The following GALNTL6 variants were observed in gnomAD, a reference collection of about 807,000 sequenced individuals.
GALNTL6 encodes polypeptide N-acetylgalactosaminyltransferase like 6.
GALNTL6 carries 46 observed loss-of-function variants against 73.7 expected under a neutral mutation model. The ratio of observed to expected loss-of-function variants is 0.62; its 90% CI spans 0.49 to 0.80. GALNTL6 has a LOEUF of 0.80. Ranked by LOEUF, GALNTL6 falls within the 30% of genes least tolerant of loss-of-function variation. GALNTL6 has a pLI of 0.00. For missense variants in GALNTL6, 604 were observed against 755.0 expected, an observed-to-expected ratio of 0.80 and a Z score of 2.34; for synonymous variants, 259 against 263.7, an observed-to-expected ratio of 0.98 and a Z score of 0.17.
intron 2 of GALNTL6, among the ~76,000 whole-genome samples, chr4:171,943,599 G>A (rs1738615794): frequency 6.6e-6 from 1 of 151,992 alleles, no homozygotes; most frequent in East Asian, 1.9e-4. Flanking sequence ...CTTTTCTCAA[G>A]GCAATGTTAT....
At chr4:172,117,461 C>G (rs1733018915) in intron 2 of GALNTL6, among the ~76,000 whole-genome samples, 1 of 152,158 alleles carries the variant, frequency 6.6e-6, no homozygotes, top group Non-Finnish European at 1.5e-5. Flanking sequence ...AACTCTTCCC[C>G]TATTAGATAG....
intron 5 of GALNTL6, among the ~76,000 whole-genome samples, chr4:172,775,127 T>C (rs1046923481): frequency 2.6e-5 from 4 of 151,998 alleles, no homozygotes; most frequent in Non-Finnish European, 4.4e-5. Flanking sequence ...GAAAAGCATG[T>C]TTTTCTTGAG....
At chr4:172,183,364 T>G (rs1735314831) in intron 2 of GALNTL6, among the ~76,000 whole-genome samples, 1 of 152,166 alleles carries the variant, frequency 6.6e-6, no homozygotes, top group Non-Finnish European at 1.5e-5. Flanking sequence ...AGAAAGAAGC[T>G]TAGAGGAAAG....
chr4:172,361,600 C>G (rs1742372937), intron 5 of GALNTL6, among the ~76,000 whole-genome samples: 1 of 152,128 alleles, frequency 6.6e-6, no homozygotes, highest in African/African-American at 2.4e-5. Flanking sequence ...CAAGGCAGTG[C>G]ATGATGAATA....
At chr4:171,835,069 CTGAT>C (rs1735066133) in intron 2 of GALNTL6, among the ~76,000 whole-genome samples, 1 of 151,934 alleles carries the variant, frequency 6.6e-6, no homozygotes, top group South Asian at 2.1e-4. Context: ...CCATCTCTCT[CTGAT>C]TGAATTTTGA....
chr4:172,302,501 A>G (rs981320970), intron 3 of GALNTL6, among the ~76,000 whole-genome samples: 2 of 152,152 alleles, frequency 1.3e-5, no homozygotes, highest in African/African-American at 2.4e-5. Flanking sequence ...CTATTAGGCC[A>G]TCTTGGCTCC....
chr4:171,886,716 A>AT (rs1294946150), intron 2 of GALNTL6, among the ~76,000 whole-genome samples: 1 of 152,184 alleles, frequency 6.6e-6, no homozygotes, highest in African/African-American at 2.4e-5. Flanking sequence ...GAAGTTTGTG[A>AT]TGGTTTATTG....
At chr4:171,913,323 G>A (rs1231652015) in intron 2 of GALNTL6, among the ~76,000 whole-genome samples, 3 of 152,166 alleles carry the variant, frequency 2.0e-5, no homozygotes. Flanking sequence ...ATGGATAGTA[G>A]AATAATCTTG....
intron 2 of GALNTL6, among the ~76,000 whole-genome samples, chr4:172,194,841 GAC>G (rs1426154038): frequency 4.6e-5 from 7 of 152,182 alleles, no homozygotes; most frequent in Non-Finnish European, 8.8e-5. Context: ...ACTACAAAAA[GAC>G]ACTGAAGTAC....
At chr4:172,253,461 T>C (rs1737951950) in intron 3 of GALNTL6, among the ~76,000 whole-genome samples, 1 of 151,976 alleles carries the variant, frequency 6.6e-6, no homozygotes, top group Non-Finnish European at 1.5e-5. Context: ...TTGACTCCCA[T>C]ATTAAAGTCT....
chr4:172,670,326 T>G (rs1415347584), intron 5 of GALNTL6, among the ~76,000 whole-genome samples: 1 of 152,172 alleles, frequency 6.6e-6, no homozygotes, highest in Non-Finnish European at 1.5e-5. Flanking sequence ...TTTTTTTTAC[T>G]TTTTAATAGT....
At chr4:172,653,440 T>C (rs837208) in intron 5 of GALNTL6, among the ~76,000 whole-genome samples, 3,520 of 152,030 alleles carry the variant, frequency 0.023, 130 homozygotes, top group African/African-American at 0.074. Context: ...AGGCTGGTCT[T>C]GAACTCCTGA....
chr4:172,846,902 G>A (rs1743538148), intron 7 of GALNTL6, among the ~76,000 whole-genome samples: 1 of 152,012 alleles, frequency 6.6e-6, no homozygotes, highest in African/African-American at 2.4e-5. Flanking sequence ...ATTTTATTCT[G>A]TCATACAATA....
intron 8 of GALNTL6, among the ~76,000 whole-genome samples, chr4:172,918,729 T>C (rs1220143241): frequency 6.6e-6 from 1 of 152,204 alleles, no homozygotes; most frequent in Non-Finnish European, 1.5e-5. Flanking sequence ...CTCCAGATGC[T>C]GTGTGTATTA....
At chr4:172,327,449 A>G (rs1740980951) in intron 4 of GALNTL6, among the ~76,000 whole-genome samples, 1 of 152,050 alleles carries the variant, frequency 6.6e-6, no homozygotes, top group Non-Finnish European at 1.5e-5. Flanking sequence ...CCTGAATATC[A>G]TTGTTAACTT....
chr4:172,678,232 T>C (rs1732420130), intron 5 of GALNTL6, among the ~76,000 whole-genome samples: 1 of 152,226 alleles, frequency 6.6e-6, no homozygotes, highest in South Asian at 2.1e-4. Context: ...TTAGAAGATC[T>C]CAAATAGCCT....
At chr4:172,997,548 C>T (rs529244215) in intron 10 of GALNTL6, among the ~76,000 whole-genome samples, 1 of 150,986 alleles carries the variant, frequency 6.6e-6, no homozygotes, top group Non-Finnish European at 1.5e-5. Context: ...ATATGAATTT[C>T]TCTCTGTGTC....
intron 5 of GALNTL6, among the ~76,000 whole-genome samples, chr4:172,352,959 T>G (rs1164823175): frequency 6.6e-6 from 1 of 152,044 alleles, no homozygotes; most frequent in African/African-American, 2.4e-5. Flanking sequence ...CCAGCTTACT[T>G]TTGCTTAGAC....
intron 2 of GALNTL6, among the ~76,000 whole-genome samples, chr4:171,914,962 C>T (rs1382224168): frequency 1.3e-5 from 2 of 151,626 alleles, no homozygotes; most frequent in East Asian, 1.9e-4. Flanking sequence ...TAATAGATAT[C>T]AGTTTATATA....
Sources: allele counts gnomAD v4.1 joint callset (sites outside exome capture counted in the v4.1 genomes callset), GRCh38; gene constraint gnomAD v4.1.1; transcripts MANE v1.5; gene names NCBI Gene and HGNC (gene_info 2026-07-23, HGNC 2026-07-21).